NFASC: variants seen among roughly 807,000 people sequenced by gnomAD.
NFASC encodes neurofascin, also known as neurofascin homolog.
A neutral mutation model predicts 147.5 loss-of-function variants in NFASC; 43 were observed. The observed-to-expected ratio is 0.29, with a 90% CI of 0.23 to 0.38. NFASC has a LOEUF of 0.38. Among genes scored for constraint, NFASC ranks in the 10% least tolerant of loss-of-function variants. The probability of loss-of-function intolerance (pLI) is 1.00; values close to 1 mark genes in which losing one functional copy is unlikely to be tolerated. For synonymous variants in NFASC, 622 were observed against 665.5 expected, an observed-to-expected ratio of 0.93 and a Z score of 1.01; for missense variants, 1,320 against 1,689.0, an observed-to-expected ratio of 0.78 and a Z score of 3.83.
Position 204,920,091 on chromosome 1 carries a change from A to G in NFASC, c.-199-541A>G, listed in dbSNP as rs538667980. Among the ~76,000 whole-genome samples the G allele has an allele frequency of 2.0e-5, 3 of 152,380 alleles. No homozygotes were observed. In the South Asian group the frequency reaches 6.2e-4, roughly 32 times the overall value. ...CAGATTAAGAAATTGAGTCACACAT[A>G]GAGAAGTGTCCTACTCTAAATGACA... On this transcript the variant is annotated intron_variant, in intron 1 of 29. Transcript: ENST00000339876.
intron 1 of NFASC, among the ~76,000 whole-genome samples, chr1:204,915,909 T>C (rs16854693): frequency 0.033 from 4,979 of 152,210 alleles, 266 homozygotes; most frequent in African/African-American, 0.11. Context: ...CTGTAAAGAA[T>C]CCCCAGACAG....
chr1:204,979,628 C>T lies in NFASC; in HGVS notation c.2176+69C>T. 7.1e-7 allele frequency: 1 copy of T among 1,411,196 alleles called. No individual in the cohort carries two copies. Among genetic ancestry groups the T allele is most frequent in the Non-Finnish European group, 1.0e-6 (1 of 997,860 alleles). The allele number at this position is 1,411,196 out of a possible 1,614,324, so 87.4% of individuals were successfully genotyped here. On this transcript the variant is annotated intron_variant, in intron 19 of 29. Coordinates refer to ENST00000339876, the MANE Select transcript of NFASC (RefSeq NM_001005388.3). The surrounding 1 kb of genome is among the most constrained non-coding windows in gnomAD (Gnocchi z 6.0). ...CCCCAAACTCACACTGAGATCCCCCCATTCCCAGCCATGTGAACTTAGGTT... is the reference window on the plus strand; with the variant it reads ...CCCCAAACTCACACTGAGATCCCCCTATTCCCAGCCATGTGAACTTAGGTT...
intron 29 of NFASC, among the ~76,000 whole-genome samples, chr1:205,013,378 C>T (rs1184630228): frequency 1.3e-5 from 2 of 152,076 alleles, no homozygotes; most frequent in Non-Finnish European, 2.9e-5. Context: ...TTGAACTTGG[C>T]GATATCTTTG....
intron 1 of NFASC, among the ~76,000 whole-genome samples, chr1:204,889,907 C>A (rs2082049301): frequency 6.6e-6 from 1 of 152,228 alleles, no homozygotes; most frequent in African/African-American, 2.4e-5. Flanking sequence ...TATCACAGCA[C>A]CATGCTACTG....
intron 13 of NFASC, 153 bp downstream of exon 13, chr1:204,974,443 C>A: frequency 1.2e-6 from 1 of 803,674 alleles, no homozygotes. Flanking sequence ...TCAACCTCCT[C>A]ATTGTACAGA....
At chr1:204,993,371 T>C (rs2095782173) in intron 24 of NFASC, among the ~76,000 whole-genome samples, 1 of 152,228 alleles carries the variant, frequency 6.6e-6, no homozygotes, top group South Asian at 2.1e-4. Context: ...TTCTCTTCTT[T>C]GACCCAGCTC....
Position 205,021,070 on chromosome 1 carries a change from T to C in NFASC, c.*4531T>C, listed in dbSNP as rs1574596951. On this transcript the variant is annotated 3_prime_UTR_variant, in exon 30 of 30. Transcript: ENST00000339876. ...AAACAATGAAACAAAGAGCTTGATA[T>C]GTCAAGAGGAGACCAAGGCCCTGGG... 1 of 152,300 alleles carries C rather than the reference T, an allele frequency of 6.6e-6. No individual in the cohort carries two copies. The highest frequency in any genetic ancestry group is 3.4e-3 in the Middle Eastern group (1 of 294). The allele number at this position is 152,300 out of a possible 1,614,324, so 9.4% of individuals were successfully genotyped here.
chr1:204,846,151 G>A (rs910548421), intron 1 of NFASC, among the ~76,000 whole-genome samples: 5 of 150,276 alleles, frequency 3.3e-5, no homozygotes, highest in African/African-American at 1.2e-4. Context: ...GAGCCCAGGA[G>A]TTTGAGGCCA....
At chr1:205,009,511 C>T in intron 27 of NFASC, 46 bp from the exon 28 acceptor site, 1 of 1,604,428 alleles carries the variant, frequency 6.2e-7, no homozygotes, top group East Asian at 2.2e-5. Context: ...CTCACCATCT[C>T]CCCCATGAAA....
At chr1:204,981,777 C>T in intron 20 of NFASC, 21 bp from the exon 21 acceptor site, 2 of 1,486,266 alleles carry the variant, frequency 1.3e-6, no homozygotes, top group East Asian at 2.4e-5. Flanking sequence ...GCCTCTCCAG[C>T]CTGTCTGTCC....
chr1:204,873,323 G>A (rs527809672), intron 1 of NFASC, among the ~76,000 whole-genome samples: 4 of 152,314 alleles, frequency 2.6e-5, no homozygotes, highest in African/African-American at 9.6e-5. Flanking sequence ...TGGACCATGT[G>A]TCAGTAAGAA....
At chr1:204,918,383 T>G (rs547319933) in intron 1 of NFASC, among the ~76,000 whole-genome samples, 4 of 152,154 alleles carry the variant, frequency 2.6e-5, no homozygotes, top group Non-Finnish European at 5.9e-5. Flanking sequence ...TACCTCCTTT[T>G]AGTGTTAGTG....
At chr1:204,830,929 G>A (rs181226701) in intron 1 of NFASC, among the ~76,000 whole-genome samples, 1 of 152,354 alleles carries the variant, frequency 6.6e-6, no homozygotes, top group Admixed American at 6.5e-5. Context: ...CTCAGGCAGT[G>A]CCTGGCAAGG....
At chr1:204,875,334 C>A (rs1572323132) in intron 1 of NFASC, among the ~76,000 whole-genome samples, 1 of 152,122 alleles carries the variant, frequency 6.6e-6, no homozygotes, top group South Asian at 2.1e-4. Context: ...CCCCAGCCTT[C>A]CACTGTTTTC....
intron 1 of NFASC, among the ~76,000 whole-genome samples, chr1:204,859,135 G>A (rs536304510): frequency 2.0e-5 from 3 of 152,158 alleles, no homozygotes; most frequent in South Asian, 4.2e-4. Flanking sequence ...ATGCCAACAC[G>A]CCTGGCTAAT....
intron 7 of NFASC, among the ~76,000 whole-genome samples, chr1:204,955,733 G>A (rs945089123): frequency 1.3e-5 from 2 of 151,628 alleles, no homozygotes; most frequent in Non-Finnish European, 2.9e-5. Flanking sequence ...CTCCCTTCCC[G>A]CCTACCTGTC....
chr1:204,995,590 G>A (rs556946280), intron 24 of NFASC, among the ~76,000 whole-genome samples: 2 of 152,206 alleles, frequency 1.3e-5, no homozygotes, highest in South Asian at 2.1e-4. Context: ...CCTCTGGAAC[G>A]TATGGGGCAT....
intron 1 of NFASC, among the ~76,000 whole-genome samples, chr1:204,892,806 A>G (rs1329526196): frequency 6.6e-6 from 1 of 152,212 alleles, no homozygotes; most frequent in Non-Finnish European, 1.5e-5. Context: ...AATTCGGAAA[A>G]ATCCCATTTG....
intron 2 of NFASC, among the ~76,000 whole-genome samples, chr1:204,925,119 C>A (rs1231950943): frequency 6.6e-6 from 1 of 152,210 alleles, no homozygotes. Flanking sequence ...CATGATCCAC[C>A]TGCCTCAGCC....
Sources: allele counts gnomAD v4.1 joint callset (sites outside exome capture counted in the v4.1 genomes callset), GRCh38; gene constraint gnomAD v4.1.1; non-coding constraint Gnocchi (gnomAD v3.1); transcripts MANE v1.5; gene names NCBI Gene and HGNC (gene_info 2026-07-23, HGNC 2026-07-21).